ZMYND11: variants seen among roughly 807,000 people sequenced by gnomAD.
ZMYND11 encodes zinc finger MYND-type containing 11.
ZMYND11 carries 9 observed loss-of-function variants against 84.9 expected under a neutral mutation model. That is an observed-to-expected ratio of 0.11 (90% CI 0.06 to 0.18). The LOEUF (loss-of-function observed/expected upper bound fraction) is 0.18. ZMYND11 is among the 10% of genes least tolerant of loss of function. The probability of loss-of-function intolerance (pLI) is 1.00; values close to 1 mark genes in which losing one functional copy is unlikely to be tolerated. For synonymous variants in ZMYND11, 250 were observed against 244.1 expected (o/e 1.02, Z -0.23); for missense variants, 409 against 761.0 (o/e 0.54, Z 5.44).
chr10:185,603 C>T (rs912123881), intron 2 of ZMYND11, among the ~76,000 whole-genome samples: 1 of 150,736 alleles, frequency 6.6e-6, no homozygotes, highest in African/African-American at 2.4e-5. Context: ...TGCCTGAGGT[C>T]AGGGGTTCGA....
At chr10:240,159 A>G (rs1564445454) in intron 8 of ZMYND11, 48 bp downstream of exon 8, 2 of 1,438,964 alleles carry the variant, frequency 1.4e-6, no homozygotes, top group African/African-American at 2.9e-5. Context: ...ACTGAAATTA[A>G]TTTATTTCAG....
rs540903074 is a variant in ZMYND11 at position 206,027 on chromosome 10, T to G, written c.117-3862T>G. Among the ~76,000 whole-genome samples the G allele has an allele frequency of 5.4e-3, 818 of 150,968 alleles. 4 individuals carry two copies. Among genetic ancestry groups the G allele is most frequent in the Middle Eastern group, 0.031 (9 of 294 alleles). On this transcript the variant is annotated intron_variant, in intron 2 of 14. Coordinates refer to ENST00000381604, the MANE Select transcript of ZMYND11 (RefSeq NM_001370100.5). ...TGTCCTAAGGTTGTTTTTTTTTTTT[T>G]TTTGTTTCAGAATAAATCAACTAGA...
chr10:157,071 C>T (rs1841882547), intron 1 of ZMYND11, among the ~76,000 whole-genome samples: 1 of 152,088 alleles, frequency 6.6e-6, no homozygotes. Context: ...CCATAGTGAA[C>T]TTTTGATGCC....
At chr10:173,096 G>C (rs999633755) in intron 1 of ZMYND11, among the ~76,000 whole-genome samples, 1 of 150,566 alleles carries the variant, frequency 6.6e-6, no homozygotes, top group Admixed American at 6.6e-5. Flanking sequence ...AAAATTAACT[G>C]AAAATGGATC....
chr10:181,626 C>T (rs1847904665), intron 2 of ZMYND11, among the ~76,000 whole-genome samples: 1 of 151,918 alleles, frequency 6.6e-6, no homozygotes, highest in South Asian at 2.1e-4. Context: ...TCACAACAAA[C>T]CAACAAAGAA....
At chr10:220,684 G>T (rs1444171301) in intron 3 of ZMYND11, among the ~76,000 whole-genome samples, 3 of 152,170 alleles carry the variant, frequency 2.0e-5, no homozygotes, top group Non-Finnish European at 4.4e-5. Flanking sequence ...CTGATTAATG[G>T]TTATTTTCAA....
At chr10:219,687 A>G (rs527246241) in intron 3 of ZMYND11, among the ~76,000 whole-genome samples, 2 of 152,282 alleles carry the variant, frequency 1.3e-5, no homozygotes, top group East Asian at 1.9e-4. Context: ...AGTGTGCCCA[A>G]CTTTGTGCAG....
rs1664631987 is a variant in ZMYND11 at position 223,894 on chromosome 10, C to G, written c.438+2538C>G. Among the ~76,000 whole-genome samples, 3 of 151,576 alleles carry G rather than the reference C, an allele frequency of 2.0e-5. No individual in the cohort carries two copies. The South Asian group carries it at 6.3e-4, about 32-fold the overall frequency. ...ATCATGGACTAAGAGAACCTAGAGT[C>G]TATAGACAGAAACTCAAGAACTGTG... On this transcript the variant is annotated intron_variant, in intron 4 of 14. Coordinates refer to ENST00000381604, the MANE Select transcript of ZMYND11 (RefSeq NM_001370100.5).
intron 10 of ZMYND11, among the ~76,000 whole-genome samples, chr10:244,941 CAGCACTGCT>C (rs1951825192): frequency 6.6e-6 from 1 of 152,188 alleles, no homozygotes; most frequent in Non-Finnish European, 1.5e-5. Flanking sequence ...TCCAGGTAGT[CAGCACTGCT>C]TGTAACAGAA....
chr10:195,650 A>C (rs1941559684), intron 2 of ZMYND11, among the ~76,000 whole-genome samples: 1 of 152,228 alleles, frequency 6.6e-6, no homozygotes, highest in South Asian at 2.1e-4. Flanking sequence ...AGGGATAGGC[A>C]TACATAGGGG....
At chr10:221,450 A>G (rs994932216) in intron 4 of ZMYND11, 94 bp downstream of exon 4, 5 of 1,331,132 alleles carry the variant, frequency 3.8e-6, no homozygotes, top group Non-Finnish European at 1.0e-6. Context: ...TGCCAGGTGA[A>G]CGGATAAAGG....
chr10:231,871 A>G (rs1949067002), intron 4 of ZMYND11, among the ~76,000 whole-genome samples: 1 of 152,238 alleles, frequency 6.6e-6, no homozygotes, highest in Non-Finnish European at 1.5e-5. Flanking sequence ...TCACTTTTAA[A>G]TACAACAACT....
At chr10:152,677 T>C (rs534972452) in intron 1 of ZMYND11, among the ~76,000 whole-genome samples, 409 of 152,146 alleles carry the variant, frequency 2.7e-3, no homozygotes, top group Non-Finnish European at 5.3e-3. Flanking sequence ...AACAAGGATA[T>C]CCAGGAATTG....
In ZMYND11 at chr10:176,638, C is replaced by T. The variant is rs555555156; in HGVS notation, c.-19-3356C>T. Reference sequence around the variant, plus strand: ...CTTTTGAGGAATTTTGTACAAAATACTTTTGTACAAAAGCAATACATTTGT... The same window carrying T: ...CTTTTGAGGAATTTTGTACAAAATATTTTTGTACAAAAGCAATACATTTGT... On this transcript the variant is annotated intron_variant, in intron 1 of 14. Coordinates refer to ENST00000381604, the MANE Select transcript of ZMYND11 (RefSeq NM_001370100.5). 1.6e-4 allele frequency among the ~76,000 whole-genome samples: 24 copies of T among 152,132 alleles called. No homozygotes were observed. The South Asian group carries it at 4.8e-3, about 30-fold the overall frequency.
intron 1 of ZMYND11, among the ~76,000 whole-genome samples, chr10:145,670 T>C (rs1838652889): frequency 6.6e-6 from 1 of 152,182 alleles, no homozygotes; most frequent in African/African-American, 2.4e-5. Context: ...TTTTCTTACG[T>C]GTTTGTTGGT....
chr10:136,878 C>T (rs1836220458), intron 1 of ZMYND11, among the ~76,000 whole-genome samples: 1 of 152,098 alleles, frequency 6.6e-6, no homozygotes, highest in Non-Finnish European at 1.5e-5. Flanking sequence ...GTGCACGGTA[C>T]CGTGCTGCCA....
Position 250,116 on chromosome 10 carries a change from C to T in ZMYND11, c.1686+1028C>T, listed in dbSNP as rs191199847. 3.0e-3 allele frequency among the ~76,000 whole-genome samples: 457 copies of T among 152,296 alleles called. No individual in the cohort carries two copies. The Middle Eastern group carries it at 0.031, about 10-fold the overall frequency. ...TTCTTTAAGAAATTTCACTGCTGCT[C>T]GTAAGGTTTTGAGGAGCTGACAAGC... is the stretch of plus-strand genomic sequence containing the variant. On this transcript the variant is annotated intron_variant, in intron 14 of 14. Coordinates refer to ENST00000381604, the MANE Select transcript of ZMYND11 (RefSeq NM_001370100.5).
At chr10:141,130 G>A (rs532092506) in intron 1 of ZMYND11, among the ~76,000 whole-genome samples, 2 of 152,148 alleles carry the variant, frequency 1.3e-5, no homozygotes, top group African/African-American at 4.8e-5. Flanking sequence ...AGGTATAGTA[G>A]GTAAACTAGT....
intron 4 of ZMYND11, among the ~76,000 whole-genome samples, chr10:222,836 T>G (rs1006050392): frequency 3.3e-5 from 5 of 152,330 alleles, no homozygotes; most frequent in Middle Eastern, 3.4e-3. Flanking sequence ...ATTTAATTCT[T>G]ATTTTCATAG....
Sources: gnomAD v4.1 joint callset for allele counts (sites outside exome capture counted in the v4.1 genomes callset) on GRCh38, gnomAD v4.1.1 for gene constraint, MANE v1.5 for transcripts, NCBI Gene and HGNC (gene_info 2026-07-23, HGNC 2026-07-21) for gene names.